KAT6B: variants seen among roughly 807,000 people sequenced by gnomAD.
KAT6B encodes histone acetyltransferase KAT6B.
A neutral mutation model predicts 187.5 loss-of-function variants in KAT6B; 10 were observed. The observed-to-expected ratio is 0.05, with a 90% CI of 0.03 to 0.09. The LOEUF (loss-of-function observed/expected upper bound fraction) is 0.09. Ranked by LOEUF, KAT6B falls within the 10% of genes least tolerant of loss-of-function variation. The probability of loss-of-function intolerance (pLI) is 1.00; values close to 1 mark genes in which losing one functional copy is unlikely to be tolerated. For missense variants in KAT6B, 1,952 were observed against 2,558.9 expected (o/e 0.76, Z 5.12); for synonymous variants, 861 against 926.8 (o/e 0.93, Z 1.29).
intron 3 of KAT6B, among the ~76,000 whole-genome samples, chr10:74,928,117 AT>A (rs1305949443): frequency 5.9e-5 from 9 of 152,204 alleles, no homozygotes; most frequent in African/African-American, 2.2e-4. Context: ...GTAATATAAC[AT>A]TTTTTACTCT....
At chr10:74,963,988 C>T (rs892565832) in intron 4 of KAT6B, among the ~76,000 whole-genome samples, 27 of 151,876 alleles carry the variant, frequency 1.8e-4, no homozygotes, top group Non-Finnish European at 3.7e-4. Context: ...AAAAATTAGC[C>T]GGGCATGGTA....
chr10:74,926,639 A>G (rs766634023), intron 3 of KAT6B, among the ~76,000 whole-genome samples: 2 of 152,296 alleles, frequency 1.3e-5, no homozygotes, highest in Non-Finnish European at 2.9e-5. Context: ...AGACACACCT[A>G]CCCTTTAAGA....
chr10:74,909,654 G>A (rs1235045823), intron 3 of KAT6B, among the ~76,000 whole-genome samples: 4 of 152,182 alleles, frequency 2.6e-5, no homozygotes, highest in Non-Finnish European at 5.9e-5. Context: ...GGCCTTCTGG[G>A]TGAGAAGGGG....
At position 74,932,334 on chromosome 10, in the gene KAT6B, A is replaced by G. The variant is rs530360590; in HGVS notation, c.622-27636A>G. Among the ~76,000 whole-genome samples the G allele has an allele frequency of 3.9e-5, 6 of 152,342 alleles. No individual in the cohort carries two copies. In the South Asian group the frequency reaches 6.2e-4, roughly 16 times the overall value. ...ATAGTTATCCCCATTTCACAGATGT[A>G]GAAACTAAAACTTAGAGGAGTCAGA... On this transcript the variant is annotated intron_variant, in intron 3 of 17. Coordinates refer to ENST00000287239, the MANE Select transcript of KAT6B (RefSeq NM_012330.4).
chr10:74,957,076 C>T (rs564781837), intron 3 of KAT6B, among the ~76,000 whole-genome samples: 86 of 152,254 alleles, frequency 5.6e-4, no homozygotes, highest in Non-Finnish European at 1.1e-3. Context: ...GACTGGAATC[C>T]ATTTTACTTT....
At chr10:74,932,645 G>A (rs1339933423) in intron 3 of KAT6B, among the ~76,000 whole-genome samples, 1 of 152,128 alleles carries the variant, frequency 6.6e-6, no homozygotes, top group Non-Finnish European at 1.5e-5. Flanking sequence ...TGAGGGAATG[G>A]GGGGCCAAGC....
At chr10:74,889,919 G>A (rs1845534708) in intron 3 of KAT6B, among the ~76,000 whole-genome samples, 1 of 152,170 alleles carries the variant, frequency 6.6e-6, no homozygotes, top group Non-Finnish European at 1.5e-5. Flanking sequence ...CTTCAAGAAG[G>A]GATAAGGTGT....
intron 3 of KAT6B, among the ~76,000 whole-genome samples, chr10:74,905,118 T>C (rs1846665085): frequency 6.6e-6 from 1 of 152,206 alleles, no homozygotes; most frequent in African/African-American, 2.4e-5. Context: ...ATAGATAGTC[T>C]AAAAGTGAAG....
At position 75,030,016 on chromosome 10, in the gene KAT6B, G is replaced by C. The variant is rs778770748; in HGVS notation, c.5192G>C (p.Ser1731Thr). ...VTQQMSNISGSCSMLQQTSIS... is the reference protein window; with the variant it reads ...VTQQMSNISGTCSMLQQTSIS... ...CAGCAGATGTCCAACATCAGCGGGA[G>C]CTGCAGCATGCTGCAGCAAACCAGC... Residue 1731 changes from serine to threonine, a missense_variant, in exon 18 of 18, where the codon AGC becomes ACC. Ser to Thr is a moderately conservative substitution (Grantham distance 58). Coordinates refer to ENST00000287239, the MANE Select transcript of KAT6B (RefSeq NM_012330.4). The surrounding 1 kb of genome is among the most constrained non-coding windows in gnomAD (Gnocchi z 4.8). 7.2e-5 allele frequency: 117 copies of C among 1,614,070 alleles called. No homozygotes were observed. The highest frequency in any genetic ancestry group is 9.7e-5 in the Non-Finnish European group (114 of 1,180,048).
chr10:74,882,046 CA>C (rs1336883199), intron 3 of KAT6B, among the ~76,000 whole-genome samples: 2 of 152,162 alleles, frequency 1.3e-5, no homozygotes, highest in Non-Finnish European at 2.9e-5. Context: ...GGAATACAGT[CA>C]AAAGGAACCT....
Position 74,975,578 on chromosome 10 carries a change from C to T in KAT6B, c.1241C>T (p.Thr414Ile). 1.9e-6 allele frequency: 3 copies of T among 1,614,074 alleles called. No homozygotes were observed. Among genetic ancestry groups the T allele is most frequent in the East Asian group, 2.2e-5 (1 of 44,872 alleles). Residue 414 changes from threonine to isoleucine, a missense_variant, in exon 8 of 18, where the codon ACC becomes ATC. Coordinates refer to ENST00000287239, the MANE Select transcript of KAT6B (RefSeq NM_012330.4). ...PTRPGATTKI[T>I]TTSTYISAST... ...CGGCCTGGTGCCACCACCAAAATCA[C>T]CACCACCTCCACCTACATTTCTGCC...
intron 4 of KAT6B, among the ~76,000 whole-genome samples, chr10:74,963,397 A>G (rs989317461): frequency 1.2e-4 from 19 of 152,208 alleles, no homozygotes; most frequent in African/African-American, 4.6e-4. Flanking sequence ...TTTTCAAATT[A>G]GCAAATCTAA....
intron 3 of KAT6B, among the ~76,000 whole-genome samples, chr10:74,946,741 T>A (rs1273681705): frequency 6.6e-6 from 1 of 152,160 alleles, no homozygotes; most frequent in East Asian, 1.9e-4. Flanking sequence ...TGGAAAGGTA[T>A]GAGCAGGGAA....
chr10:75,009,486 A>G (rs1693761310), intron 13 of KAT6B, among the ~76,000 whole-genome samples: 1 of 152,206 alleles, frequency 6.6e-6, no homozygotes, highest in Admixed American at 6.5e-5. Flanking sequence ...ATTGTGGTGA[A>G]GCTCTGCTAA....
rs1329701281 is a variant in KAT6B at position 75,030,923 on chromosome 10, T to C, written c.6099T>C (p.Tyr2033=). ...MQMGMMGTQP[Y]AQQPMQTPPH... is the part of the protein sequence containing the mutation. ...TGGGCATGATGGGCACCCAGCCATA[T>C]GCCCAGCAGCCAATGCAGACCCCAC... is the stretch of plus-strand genomic sequence containing the variant. Residue 2033 remains tyrosine (Y), a synonymous_variant, in exon 18 of 18, where the codon TAT becomes TAC. Coordinates refer to ENST00000287239, the MANE Select transcript of KAT6B (RefSeq NM_012330.4). This position sits in a 1 kb window ranked among gnomAD's most constrained non-coding sequence, Gnocchi z 4.8. The C allele has an allele frequency of 1.9e-6, 3 of 1,613,958 alleles. No individual in the cohort carries two copies. Among genetic ancestry groups the C allele is most frequent in the Admixed American group, 1.7e-5 (1 of 60,026 alleles).
intron 3 of KAT6B, among the ~76,000 whole-genome samples, chr10:74,930,000 A>G (rs1848757715): frequency 6.6e-6 from 1 of 150,952 alleles, no homozygotes; most frequent in Non-Finnish European, 1.5e-5. Flanking sequence ...GCTCACCTCA[A>G]CCTCTACCTC....
chr10:74,989,003 T>C lies in KAT6B; in HGVS notation c.2536-16T>C. 1 of 1,580,278 alleles carries C rather than the reference T, an allele frequency of 6.3e-7. No homozygotes were observed. The highest frequency in any genetic ancestry group is 1.1e-5 in the South Asian group (1 of 90,394). ...GCAGGGCTCTGACATACTTGATCTG[T>C]TTCTCCTTCCCTCAGGAAAAGCTTT... On this transcript the variant is annotated splice_polypyrimidine_tract_variant and intron_variant, in intron 12 of 17. Coordinates refer to ENST00000287239, the MANE Select transcript of KAT6B (RefSeq NM_012330.4).
At chr10:74,921,601 A>G (rs1848141523) in intron 3 of KAT6B, among the ~76,000 whole-genome samples, 1 of 152,102 alleles carries the variant, frequency 6.6e-6, no homozygotes. Flanking sequence ...ACTGCCTGGT[A>G]TGTTAGAAAC....
intron 3 of KAT6B, among the ~76,000 whole-genome samples, chr10:74,869,402 A>G (rs145801184): frequency 1.5e-3 from 222 of 151,794 alleles, no homozygotes; most frequent in African/African-American, 5.2e-3. Flanking sequence ...AGTTCAGGTG[A>G]TTCTCCTGCT....
Sources: allele counts gnomAD v4.1 joint callset (sites outside exome capture counted in the v4.1 genomes callset), GRCh38; gene constraint gnomAD v4.1.1; non-coding constraint Gnocchi (gnomAD v3.1); transcripts MANE v1.5; gene names NCBI Gene and HGNC (gene_info 2026-07-23, HGNC 2026-07-21).